Variants in KCNQ5 observed in about 807,000 individuals in gnomAD.
KCNQ5 encodes the protein potassium voltage-gated channel subfamily KQT member 5.
Under a neutral mutation model 98.2 loss-of-function variants are expected in KCNQ5, and 30 were observed. That is an observed-to-expected ratio of 0.31 (90% confidence interval 0.23 to 0.41). The LOEUF (loss-of-function observed/expected upper bound fraction) is 0.41, where lower values mean the gene tolerates loss of function less well. Ranked by LOEUF, KCNQ5 falls within the 10% of genes least tolerant of loss-of-function variation. KCNQ5 has a pLI of 1.00. For missense variants in KCNQ5, 835 were observed against 1,182.5 expected, an observed-to-expected ratio of 0.71 and a Z score of 4.31; for synonymous variants, 458 against 449.4, an observed-to-expected ratio of 1.02 and a Z score of -0.24.
Position 72,708,553 on chromosome 6 carries a change from C to T in KCNQ5, c.398+85966C>T, listed in dbSNP as rs116245195. On this transcript the variant is annotated intron_variant, in intron 1 of 13. Transcript: ENST00000370398. The stretch of plus-strand genomic sequence containing the variant: ...GGGTGGCAGCGGGGACAGGGTCTCA[C>T]TCTGTTGCCCAGGCTGGAGTGCAGT... Among the ~76,000 whole-genome samples, 129 of 152,298 alleles carry T rather than the reference C, an allele frequency of 8.5e-4. 1 individual carries two copies. Among genetic ancestry groups the T allele is most frequent in the African/African-American group, 3.0e-3 (123 of 41,556 alleles).
At chr6:72,945,477 C>G (rs946138226) in intron 1 of KCNQ5, among the ~76,000 whole-genome samples, 1 of 135,132 alleles carries the variant, frequency 7.4e-6, no homozygotes, top group Non-Finnish European at 1.5e-5. Context: ...TTTTTTGAGA[C>G]AGAGTCTTGC....
intron 1 of KCNQ5, among the ~76,000 whole-genome samples, chr6:72,640,334 CAAAA>C (rs71689978): frequency 8.4e-6 from 1 of 119,300 alleles, no homozygotes. Context: ...AATTGCTGGG[CAAAA>C]AAAAAAAAAG....
At chr6:73,113,025 A>G (rs1261219453) in intron 7 of KCNQ5, among the ~76,000 whole-genome samples, 4 of 151,484 alleles carry the variant, frequency 2.6e-5, no homozygotes, top group Non-Finnish European at 5.9e-5. Context: ...AGTAAACTCT[A>G]TTTTCTTATA....
chr6:72,908,190 G>GGTTA (rs1779781631), intron 1 of KCNQ5, among the ~76,000 whole-genome samples: 1 of 151,998 alleles, frequency 6.6e-6, no homozygotes, highest in Admixed American at 6.6e-5. Context: ...ATGAAAGAGT[G>GGTTA]GTTACCATAG....
chr6:73,116,475 G>A (rs952374097), intron 7 of KCNQ5, among the ~76,000 whole-genome samples: 7 of 152,224 alleles, frequency 4.6e-5, no homozygotes, highest in African/African-American at 9.6e-5. Context: ...AGACCAACCT[G>A]TGCAACATAG....
intron 1 of KCNQ5, among the ~76,000 whole-genome samples, chr6:72,732,503 T>C (rs2154475808): frequency 6.6e-6 from 1 of 151,724 alleles, no homozygotes; most frequent in Non-Finnish European, 1.5e-5. Context: ...TGAAAGAGAG[T>C]GCGGTTTATT....
chr6:72,761,422 T>C (rs1046127721), intron 1 of KCNQ5, among the ~76,000 whole-genome samples: 2 of 151,902 alleles, frequency 1.3e-5, no homozygotes, highest in African/African-American at 4.8e-5. Flanking sequence ...TTAAAAACTT[T>C]GATTGCTTTA....
chr6:73,175,646 T>C (rs1778184909), intron 11 of KCNQ5, among the ~76,000 whole-genome samples: 1 of 152,120 alleles, frequency 6.6e-6, no homozygotes, highest in African/African-American at 2.4e-5. Flanking sequence ...ATAGACTCTT[T>C]AAAACTCTTC....
intron 1 of KCNQ5, among the ~76,000 whole-genome samples, chr6:72,807,825 A>G (rs1382873242): frequency 6.6e-6 from 1 of 152,162 alleles, no homozygotes; most frequent in Non-Finnish European, 1.5e-5. Context: ...ATAATAATCA[A>G]TTGCTCTGTG....
intron 1 of KCNQ5, among the ~76,000 whole-genome samples, chr6:72,729,330 C>A (rs9293900): frequency 6.6e-6 from 1 of 151,752 alleles, no homozygotes; most frequent in Non-Finnish European, 1.5e-5. Flanking sequence ...TTCTGTCACC[C>A]GGGCTGGAGT....
chr6:72,753,185 A>T (rs1561961013), intron 1 of KCNQ5, among the ~76,000 whole-genome samples: 1 of 152,136 alleles, frequency 6.6e-6, no homozygotes, highest in African/African-American at 2.4e-5. Flanking sequence ...AGAATGTCAC[A>T]TAACAGGAAT....
intron 1 of KCNQ5, among the ~76,000 whole-genome samples, chr6:72,792,291 C>T (rs1048196667): frequency 6.6e-6 from 1 of 152,162 alleles, no homozygotes; most frequent in African/African-American, 2.4e-5. Flanking sequence ...ACCTTCCCAA[C>T]ATGGTTTTAA....
chr6:72,745,758 T>G (rs1771365921), intron 1 of KCNQ5, among the ~76,000 whole-genome samples: 1 of 152,176 alleles, frequency 6.6e-6, no homozygotes, highest in Non-Finnish European at 1.5e-5. Context: ...CTCACAGTAC[T>G]TGATGCCAGA....
intron 1 of KCNQ5, among the ~76,000 whole-genome samples, chr6:72,942,166 C>T (rs1256335494): frequency 1.3e-5 from 2 of 152,146 alleles, no homozygotes; most frequent in African/African-American, 2.4e-5. Context: ...AGAAATAGAA[C>T]AATATCTAGC....
intron 1 of KCNQ5, among the ~76,000 whole-genome samples, chr6:72,649,117 G>A (rs1377535774): frequency 6.6e-6 from 1 of 152,168 alleles, no homozygotes; most frequent in Non-Finnish European, 1.5e-5. Flanking sequence ...CCTGCTCGCA[G>A]ATGTGCAACT....
At position 73,194,604 on chromosome 6, in the gene KCNQ5, C is replaced by A. The variant is rs1322487368; in HGVS notation, c.1989C>A (p.Ser663Arg). 2 of 1,614,210 alleles carry A rather than the reference C, an allele frequency of 1.2e-6. No individual in the cohort carries two copies. Among genetic ancestry groups the A allele is most frequent in the Non-Finnish European group, 8.5e-7 (1 of 1,180,038 alleles). ...CTGACTATCAAAGCCCTGTGGATAG[C>A]AAAGATCTTTCGGGTTCCGCACAAA... ...QTSDYQSPVD[S>R]KDLSGSAQNS... The change falls in exon 14 of 14, where the codon AGC becomes AGA. Residue 663 changes from serine to arginine, a missense_variant. Transcript: ENST00000370398.
chr6:72,759,748 G>T (rs1282439401), intron 1 of KCNQ5, among the ~76,000 whole-genome samples: 2 of 151,928 alleles, frequency 1.3e-5, no homozygotes, highest in East Asian at 1.9e-4. Flanking sequence ...CCCTCAGATG[G>T]TATTAGACAT....
At chr6:73,054,181 T>G (rs942553879) in intron 3 of KCNQ5, among the ~76,000 whole-genome samples, 16 of 151,880 alleles carry the variant, frequency 1.1e-4, no homozygotes, top group African/African-American at 3.9e-4. Flanking sequence ...AATAATGAGT[T>G]CCAAAATTGA....
chr6:73,148,957 G>A (rs1187219084), intron 10 of KCNQ5, among the ~76,000 whole-genome samples: 4 of 152,130 alleles, frequency 2.6e-5, no homozygotes, highest in Admixed American at 6.5e-5. Flanking sequence ...TGTTTTTTGT[G>A]TCAAAGAGCA....
Sources: allele counts gnomAD v4.1 joint callset (sites outside exome capture counted in the v4.1 genomes callset), GRCh38; gene constraint gnomAD v4.1.1; transcripts MANE v1.5; gene names NCBI Gene and HGNC (gene_info 2026-07-23, HGNC 2026-07-21).